ZMYM2: variants seen among roughly 807,000 people sequenced by gnomAD.
ZMYM2 encodes the protein zinc finger MYM-type containing 2.
Under a neutral mutation model 162.8 loss-of-function variants are expected in ZMYM2, and 56 were observed. The observed-to-expected ratio is 0.34, with a 90% confidence interval of 0.28 to 0.43. The LOEUF (loss-of-function observed/expected upper bound fraction) is 0.43, where lower values mean the gene tolerates loss of function less well. Ranked by LOEUF, ZMYM2 falls within the 20% of genes least tolerant of loss-of-function variation. The probability of loss-of-function intolerance (pLI) is 1.00; values close to 1 mark genes in which losing one functional copy is unlikely to be tolerated. For missense variants in ZMYM2, 1,275 were observed against 1,621.8 expected (o/e 0.79, Z 3.67); for synonymous variants, 510 against 541.6 (o/e 0.94, Z 0.81).
At chr13:19,937,220 C>T in the ZMYM2 span, among the ~76,000 whole-genome samples, 3 of 151,740 alleles carry the variant, frequency 2.0e-5, no homozygotes, top group Non-Finnish European at 2.9e-5. Context: ...ACTATCTTGG[C>T]CCACTACAAC....
intron 5 of ZMYM2, 124 bp from the exon 6 acceptor site, chr13:20,006,246 AAATT>A (rs769048374): frequency 0.022 from 15,588 of 708,954 alleles, 515 homozygotes; most frequent in Non-Finnish European, 0.026. Flanking sequence ...AAAAAAAAAA[AAATT>A]TTTTTTTTCC....
At chr13:20,028,427 A>G (rs1457890459) in intron 9 of ZMYM2, among the ~76,000 whole-genome samples, 1 of 152,188 alleles carries the variant, frequency 6.6e-6, no homozygotes, top group Non-Finnish European at 1.5e-5. Flanking sequence ...ATTGTTGGAT[A>G]AACTAAACTG....
chr13:19,982,281 C>CTTTTTTTTT (rs56165263), intron 2 of ZMYM2, among the ~76,000 whole-genome samples: 3 of 86,254 alleles, frequency 3.5e-5, no homozygotes, highest in Non-Finnish European at 4.5e-5. Flanking sequence ...TATTAGCTGT[C>CTTTTTTTTT]TTTTTTTTTT....
At chr13:19,881,167 G>A in the ZMYM2 span, among the ~76,000 whole-genome samples, 1 of 152,034 alleles carries the variant, frequency 6.6e-6, no homozygotes, top group Non-Finnish European at 1.5e-5. Flanking sequence ...GATTAAAGGC[G>A]TGAGCCACTG....
chr13:19,967,025 T>C (rs1218946844), intron 2 of ZMYM2, among the ~76,000 whole-genome samples: 2 of 152,184 alleles, frequency 1.3e-5, no homozygotes, highest in South Asian at 2.1e-4. Context: ...TGACACAGAC[T>C]CCTGACTTCT....
At chr13:19,927,689 T>C in the ZMYM2 span, among the ~76,000 whole-genome samples, 7 of 152,344 alleles carry the variant, frequency 4.6e-5, no homozygotes, top group Admixed American at 3.3e-4. Context: ...GCTATAGATA[T>C]GTGAACACTT....
the ZMYM2 span, among the ~76,000 whole-genome samples, chr13:19,880,896 TTG>T: frequency 1.9e-4 from 23 of 121,388 alleles, no homozygotes; most frequent in Middle Eastern, 4.5e-3. Flanking sequence ...GTTTTGTTTT[TTG>T]TTTTTTTTTT....
intron 12 of ZMYM2, among the ~76,000 whole-genome samples, chr13:20,045,961 G>C (rs1954741111): frequency 6.6e-6 from 1 of 151,700 alleles, no homozygotes; most frequent in Non-Finnish European, 1.5e-5. Flanking sequence ...TATTACTGGG[G>C]CTGGGTGCAG....
intron 2 of ZMYM2, among the ~76,000 whole-genome samples, chr13:19,985,549 A>AT: frequency 6.6e-6 from 1 of 152,172 alleles, no homozygotes; most frequent in South Asian, 2.1e-4. Context: ...TTTAAAAACA[A>AT]TAAGAGCTGT....
intron 2 of ZMYM2, among the ~76,000 whole-genome samples, chr13:19,970,442 A>G (rs1956198627): frequency 6.6e-6 from 1 of 152,142 alleles, no homozygotes; most frequent in African/African-American, 2.4e-5. Context: ...ATAGAGATAA[A>G]TTATATTTTA....
intron 2 of ZMYM2, among the ~76,000 whole-genome samples, chr13:19,980,650 G>T (rs1217721288): frequency 6.6e-6 from 1 of 150,916 alleles, no homozygotes; most frequent in African/African-American, 2.4e-5. Flanking sequence ...CTACTTGGGA[G>T]GCTGAGGGAC....
upstream of ZMYM2, among the ~76,000 whole-genome samples, chr13:19,953,951 T>C (rs1234464056): frequency 6.6e-6 from 1 of 151,550 alleles, no homozygotes; most frequent in African/African-American, 2.4e-5. Flanking sequence ...TTAAAATGCA[T>C]CTAAGACAGT....
At chr13:19,999,243 T>C (rs951416400) in intron 3 of ZMYM2, among the ~76,000 whole-genome samples, 1 of 152,192 alleles carries the variant, frequency 6.6e-6, no homozygotes, top group Non-Finnish European at 1.5e-5. Context: ...CACAGATAAT[T>C]GCATTTTACA....
chr13:19,986,981 T>A (rs1355850964), intron 2 of ZMYM2, among the ~76,000 whole-genome samples: 2 of 151,640 alleles, frequency 1.3e-5, no homozygotes, highest in African/African-American at 2.4e-5. Context: ...GGCTCATGCC[T>A]GTAATCCCAG....
At chr13:19,954,126 A>ATTTTTTTTTTTTTTTTTTTTTTTTTTTTT (rs781288600), upstream of ZMYM2, among the ~76,000 whole-genome samples, 11 of 64,910 alleles carry the variant, frequency 1.7e-4, 4 homozygotes, top group Non-Finnish European at 2.4e-4. Flanking sequence ...GCTATGTTTA[A>ATTTTTTTTTTTTTTTTTTTTTTTTTTTTT]TTTTTTTTTT....
At chr13:19,883,083 A>G in the ZMYM2 span, among the ~76,000 whole-genome samples, 4 of 152,222 alleles carry the variant, frequency 2.6e-5, no homozygotes, top group South Asian at 2.1e-4. Context: ...GTAATGAAGT[A>G]TTTATGTATG....
chr13:20,034,187 A>C (rs1156575052), intron 10 of ZMYM2, 67 bp from the exon 11 acceptor site: 37 of 1,311,398 alleles, frequency 2.8e-5, no homozygotes, highest in Admixed American at 6.4e-5. Flanking sequence ...TTGCTTCTGT[A>C]AAAGTGGCGT....
chr13:19,894,063 A>G, the ZMYM2 span, among the ~76,000 whole-genome samples: 2 of 151,872 alleles, frequency 1.3e-5, no homozygotes, highest in Admixed American at 6.6e-5. Context: ...GTAAATCAAA[A>G]CCACAATAAG....
intron 21 of ZMYM2, 123 bp downstream of exon 21, chr13:20,067,513 GT>G: frequency 1.0e-6 from 1 of 992,774 alleles, no homozygotes; most frequent in Non-Finnish European, 1.4e-6. Context: ...AAAGTTGTAT[GT>G]TTGCTGCCAT....
Sources: allele counts gnomAD v4.1 joint callset (sites outside exome capture counted in the v4.1 genomes callset), GRCh38; gene constraint gnomAD v4.1.1; transcripts MANE v1.5; gene names NCBI Gene and HGNC (gene_info 2026-07-23, HGNC 2026-07-21).